GSN: variants seen among roughly 807,000 people sequenced by gnomAD.
GSN encodes the protein gelsolin, also known as actin-depolymerizing factor.
A neutral mutation model predicts 85.7 loss-of-function variants in GSN; 56 were observed. The observed-to-expected ratio is 0.65, with a 90% CI of 0.53 to 0.82. GSN has a LOEUF of 0.82. Ranked by LOEUF, GSN falls within the 40% of genes least tolerant of loss-of-function variation. GSN has a pLI of 0.00. For synonymous variants in GSN, 373 were observed against 399.1 expected (o/e 0.93, Z 0.78); for missense variants, 857 against 979.8 (o/e 0.87, Z 1.67).
At chr9:121,317,652 G>A in intron 8 of GSN, 1 of 280,790 alleles carries the variant, frequency 3.6e-6, no homozygotes, top group Non-Finnish European at 6.9e-6. Context: ...GAAATGCTAA[G>A]CTAGAAGTTC....
intron 4 of GSN, chr9:121,231,124 A>T (rs1279660081): frequency 1.3e-5 from 2 of 152,246 alleles, no homozygotes; most frequent in African/African-American, 4.8e-5. Flanking sequence ...CTGGGATTCC[A>T]TCAGGCACTC....
At chr9:121,207,820 T>C (rs2053907191) in exon 1 of GSN, 1 of 151,798 alleles carries the variant, frequency 6.6e-6, no homozygotes, top group Non-Finnish European at 1.5e-5. Flanking sequence ...AATGGCACGA[T>C]ATCAGCTCAC....
rs1356058663 is a variant in GSN at position 121,299,553 on chromosome 9, GT to G, written c.-9-2409del. ...CGGAGAGGCGAGGGGGCTCGCGTGCGTCGCAGGAGGCTCAGCTGGGCTCGCC... is the reference window on the plus strand; with the variant it reads ...CGGAGAGGCGAGGGGGCTCGCGTGCGCGCAGGAGGCTCAGCTGGGCTCGCC... On this transcript the variant is annotated intron_variant, in intron 2 of 17. Transcript: ENST00000432226. The surrounding 1 kb of genome is among the most constrained non-coding windows in gnomAD (Gnocchi z 4.2). The G allele has an allele frequency of 3.7e-6, 3 of 808,706 alleles. No individual in the cohort carries two copies. The highest frequency in any genetic ancestry group is 4.5e-6 in the Non-Finnish European group (3 of 668,460). The allele number at this position is 808,706 out of a possible 1,614,324, so 50.1% of individuals were successfully genotyped here.
chr9:121,202,315 G>A, the GSN span, among the ~76,000 whole-genome samples: 1 of 152,158 alleles, frequency 6.6e-6, no homozygotes. Context: ...TGTATTTATG[G>A]GGGCATTTAC....
chr9:121,266,466 G>A (rs1239289865), upstream of GSN, among the ~76,000 whole-genome samples: 1 of 152,262 alleles, frequency 6.6e-6, no homozygotes, highest in Admixed American at 6.5e-5. Context: ...GCAGCCTCTG[G>A]AGAAAGCAGA....
chr9:121,324,691 C>A (rs1191369833), intron 12 of GSN, 47 bp downstream of exon 12: 1 of 876,144 alleles, frequency 1.1e-6, no homozygotes, highest in Non-Finnish European at 1.9e-6. Context: ...GAGCCTTGTC[C>A]TTCTCTTCAC....
In GSN at chr9:121,318,955, A is replaced by G; in HGVS notation, c.1191+75A>G. ...CCCATGCACTGCCTCTTGCTTCCCC[A>G]AGGAGGTTTCTCTCTGAGGTTTGCA... On this transcript the variant is annotated intron_variant, in intron 10 of 17. Transcript: ENST00000432226. This position sits in a 1 kb window ranked among gnomAD's most constrained non-coding sequence, Gnocchi z 4.3. The G allele has an allele frequency of 8.2e-7, 1 of 1,219,870 alleles. No homozygotes were observed. Among genetic ancestry groups the G allele is most frequent in the Non-Finnish European group, 1.2e-6 (1 of 828,996 alleles). 75.6% of individuals were successfully genotyped at this position (1,219,870 alleles called of 1,614,324 possible).
upstream of GSN, among the ~76,000 whole-genome samples, chr9:121,206,268 G>A (rs1316826647): frequency 6.6e-6 from 1 of 152,070 alleles, no homozygotes; most frequent in East Asian, 1.9e-4. Flanking sequence ...TTGAGATCAG[G>A]TGCGGTCATG....
intron 2 of GSN, among the ~76,000 whole-genome samples, chr9:121,290,406 AG>A (rs1441203296): frequency 5.9e-5 from 9 of 152,236 alleles, no homozygotes; most frequent in Non-Finnish European, 1.3e-4. Flanking sequence ...AGGAGGGGAA[AG>A]TATTTTAAAT....
chr9:121,243,983 A>C (rs2132210752), intron 5 of GSN, among the ~76,000 whole-genome samples: 1 of 152,366 alleles, frequency 6.6e-6, no homozygotes, highest in Middle Eastern at 3.4e-3. Flanking sequence ...AAATTAATTT[A>C]TGTTGCCCCT....
intron 4 of GSN, among the ~76,000 whole-genome samples, chr9:121,222,499 GTTA>G (rs746636516): frequency 4.0e-4 from 61 of 152,262 alleles, no homozygotes; most frequent in African/African-American, 1.3e-3. Flanking sequence ...TGAAAAATTG[GTTA>G]TTATTTTTAG....
chr9:121,233,522 C>A (rs914371703), intron 5 of GSN, among the ~76,000 whole-genome samples: 6 of 151,952 alleles, frequency 3.9e-5, no homozygotes, highest in Non-Finnish European at 8.8e-5. Context: ...CAGAATAAGA[C>A]CACTGAGGCA....
At chr9:121,257,937 G>T (rs542466396) in intron 6 of GSN, among the ~76,000 whole-genome samples, 1 of 152,246 alleles carries the variant, frequency 6.6e-6, no homozygotes, top group Non-Finnish European at 1.5e-5. Context: ...GACTTGTTCA[G>T]AAAAAGTATA....
intron 2 of GSN, chr9:121,283,311 T>C (rs910063062): frequency 6.3e-6 from 1 of 159,732 alleles, no homozygotes; most frequent in African/African-American, 2.4e-5. Flanking sequence ...CTTTTTTTTT[T>C]TTTTTAGACG....
intron 4 of GSN, among the ~76,000 whole-genome samples, chr9:121,225,538 C>T (rs190126460): frequency 3.0e-4 from 46 of 152,302 alleles, no homozygotes; most frequent in Non-Finnish European, 4.1e-4. Context: ...GAAAAAGCAT[C>T]GGACATGGAT....
chr9:121,273,638 T>G (rs1354162486), intron 1 of GSN, among the ~76,000 whole-genome samples: 2 of 152,210 alleles, frequency 1.3e-5, no homozygotes, highest in Non-Finnish European at 2.9e-5. Context: ...CCCACACAAT[T>G]ATCCTATATT....
At position 121,318,510 on chromosome 9, in the gene GSN, C is replaced by A; in HGVS notation, c.975+16C>A. 1.9e-6 allele frequency: 3 copies of A among 1,594,466 alleles called. No individual in the cohort carries two copies. Among genetic ancestry groups the A allele is most frequent in the Non-Finnish European group, 2.6e-6 (3 of 1,162,158 alleles). On this transcript the variant is annotated intron_variant, in intron 9 of 17. Coordinates refer to ENST00000432226, the MANE Select transcript of GSN (RefSeq NM_198252.3). This position sits in a 1 kb window ranked among gnomAD's most constrained non-coding sequence, Gnocchi z 4.3. ...GCAGACTCAGGTGAGTCTTGGAGGC[C>A]AGGTAGGATGGGAAGGGGTGGGTCC...
chr9:121,218,464 G>A (rs1170307714), intron 4 of GSN, among the ~76,000 whole-genome samples: 1 of 152,086 alleles, frequency 6.6e-6, no homozygotes, highest in Admixed American at 6.5e-5. Flanking sequence ...GCAAAACCCT[G>A]TAACTACTAA....
chr9:121,326,491 G>A lies in GSN; in HGVS notation c.1417-21G>A, dbSNP rs367907824. The stretch of plus-strand genomic sequence containing the variant: ...AGCCTGCCCCCAAGGTCCCTGACTT[G>A]CTCTCCTGTCTCCCTGCCAGAGCCG... On this transcript the variant is annotated intron_variant, in intron 12 of 17. Transcript: ENST00000432226. 6.6e-5 allele frequency: 107 copies of A among 1,610,846 alleles called. 1 individual carries two copies. In the African/African-American group the frequency reaches 6.8e-4, roughly 10 times the overall value.
Sources: allele counts gnomAD v4.1 joint callset (sites outside exome capture counted in the v4.1 genomes callset), GRCh38; gene constraint gnomAD v4.1.1; non-coding constraint Gnocchi (gnomAD v3.1); transcripts MANE v1.5; gene names NCBI Gene and HGNC (gene_info 2026-07-23, HGNC 2026-07-21).